Variants in RIN3 observed in about 807,000 individuals in gnomAD.
The protein encoded by RIN3 is RAB5 interacting protein 3.
Under a neutral mutation model 76.3 loss-of-function variants are expected in RIN3, and 54 were observed. That is an observed-to-expected ratio of 0.71 (90% CI 0.57 to 0.89). The LOEUF is 0.89. Ranked by LOEUF, RIN3 falls within the 40% of genes least tolerant of loss-of-function variation. The pLI, the probability that RIN3 is intolerant of heterozygous loss-of-function variation, is 0.00. For missense variants in RIN3, 1,256 were observed against 1,322.1 expected, an observed-to-expected ratio of 0.95 and a Z score of 0.78; for synonymous variants, 576 against 564.0, an observed-to-expected ratio of 1.02 and a Z score of -0.30.
At chr14:92,533,389 A>AT (rs1896925903) in intron 1 of RIN3, among the ~76,000 whole-genome samples, 1 of 152,272 alleles carries the variant, frequency 6.6e-6, no homozygotes, top group African/African-American at 2.4e-5. Flanking sequence ...AGAAGTCATT[A>AT]TACAAAAAAG....
intron 3 of RIN3, among the ~76,000 whole-genome samples, chr14:92,606,956 T>C (rs1001140521): frequency 6.6e-6 from 1 of 152,240 alleles, no homozygotes. Flanking sequence ...CACAGCAGCA[T>C]TACTTGTAGT....
At chr14:92,538,599 C>T (rs1379292984) in intron 1 of RIN3, among the ~76,000 whole-genome samples, 1 of 152,152 alleles carries the variant, frequency 6.6e-6, no homozygotes, top group African/African-American at 2.4e-5. Flanking sequence ...TGTTAAGCTT[C>T]ATTTGCATTT....
At chr14:92,547,038 TTATTTTATTATAATAAAATAAATTA>T (rs1897284372) in intron 1 of RIN3, among the ~76,000 whole-genome samples, 2 of 134,064 alleles carry the variant, frequency 1.5e-5, no homozygotes, top group East Asian at 3.9e-4. Context: ...TTATTTTATT[TTATTTTATTATAATAAAATAAATTA>T]TATTTTATTT....
rs148835994 is a variant in RIN3, at chr14:92,631,646, G to A, written c.441-9592G>A. Among the ~76,000 whole-genome samples the A allele has an allele frequency of 6.3e-3, 966 of 152,208 alleles. 7 individuals carry two copies. The highest frequency in any genetic ancestry group is 0.022 in the African/African-American group (904 of 41,520). ...GGTTGGAGTCTCACTCTGTCACCAG[G>A]CTGGAGTGCAGTGGTGTGATCTGGG... On this transcript the variant is annotated intron_variant, in intron 4 of 9. Coordinates refer to ENST00000216487, the MANE Select transcript of RIN3 (RefSeq NM_024832.5).
chr14:92,684,151 G>A (rs1347242373), intron 8 of RIN3, among the ~76,000 whole-genome samples: 3 of 151,922 alleles, frequency 2.0e-5, no homozygotes, highest in African/African-American at 4.8e-5. Context: ...AGGCTGAGGC[G>A]GGCGGATCAC....
chr14:92,544,993 A>G (rs559072019), intron 1 of RIN3, among the ~76,000 whole-genome samples: 1 of 150,220 alleles, frequency 6.7e-6, no homozygotes, highest in East Asian at 2.0e-4. Flanking sequence ...GTGTTTTTTT[A>G]TACTTTACAT....
At chr14:92,628,328 G>A (rs1337881646) in intron 4 of RIN3, among the ~76,000 whole-genome samples, 1 of 152,192 alleles carries the variant, frequency 6.6e-6, no homozygotes, top group Non-Finnish European at 1.5e-5. Flanking sequence ...GGGTCAAGCA[G>A]CATTGCAACT....
At chr14:92,592,956 G>A (rs1250159781) in intron 3 of RIN3, among the ~76,000 whole-genome samples, 1 of 151,944 alleles carries the variant, frequency 6.6e-6, no homozygotes, top group Admixed American at 6.6e-5. Flanking sequence ...TTACAGGCAT[G>A]AGCCACCATA....
In RIN3 at chr14:92,688,517, C is replaced by T. The variant is rs1413617931; in HGVS notation, c.*265C>T. 1.2e-5 allele frequency: 6 copies of T among 516,652 alleles called. No individual in the cohort carries two copies. Among genetic ancestry groups the T allele is most frequent in the Non-Finnish European group, 2.1e-5 (6 of 291,776 alleles). 32.0% of individuals were successfully genotyped at this position (516,652 alleles called of 1,614,324 possible). The stretch of plus-strand genomic sequence containing the variant: ...GAAACTGAGGCTCAGGAGAGAGGCG[C>T]TCCAGGCCGCTGCAGCCAACAAACC... On this transcript the variant is annotated 3_prime_UTR_variant, in exon 10 of 10. Coordinates refer to ENST00000216487, the MANE Select transcript of RIN3 (RefSeq NM_024832.5).
intron 7 of RIN3, among the ~76,000 whole-genome samples, chr14:92,671,408 G>GATGT (rs1441336125): frequency 6.6e-6 from 1 of 152,184 alleles, no homozygotes; most frequent in Non-Finnish European, 1.5e-5. Context: ...AGCCCAGTGG[G>GATGT]ATGTTATGTG....
At chr14:92,519,960 T>C (rs182536166) in intron 1 of RIN3, among the ~76,000 whole-genome samples, 1 of 152,182 alleles carries the variant, frequency 6.6e-6, no homozygotes, top group African/African-American at 2.4e-5. Context: ...CTCCTGCCAG[T>C]AGGGCCTCTG....
intron 1 of RIN3, among the ~76,000 whole-genome samples, chr14:92,525,743 G>C (rs1445820649): frequency 6.6e-6 from 1 of 152,212 alleles, no homozygotes; most frequent in Non-Finnish European, 1.5e-5. Context: ...GGCAGCGTCA[G>C]GCCCTGGAGC....
At chr14:92,556,019 C>T in intron 2 of RIN3, 64 bp downstream of exon 2, 1 of 1,374,232 alleles carries the variant, frequency 7.3e-7, no homozygotes, top group Non-Finnish European at 1.0e-6. Context: ...GCGTGCTCCA[C>T]ACCTGCCCTG....
chr14:92,676,797 G>T (rs1888480461), intron 8 of RIN3, among the ~76,000 whole-genome samples, 191 bp downstream of exon 8: 1 of 152,200 alleles, frequency 6.6e-6, no homozygotes, highest in African/African-American at 2.4e-5. Flanking sequence ...GGAGAGATGA[G>T]CCAGTCAAGA....
chr14:92,580,239 T>C (rs754631667), intron 3 of RIN3, among the ~76,000 whole-genome samples: 2 of 152,190 alleles, frequency 1.3e-5, no homozygotes, highest in Non-Finnish European at 2.9e-5. Flanking sequence ...TGTGGTGGCA[T>C]GCACCTGTAG....
chr14:92,569,008 T>A (rs1466424641), intron 2 of RIN3, among the ~76,000 whole-genome samples: 26 of 152,142 alleles, frequency 1.7e-4, no homozygotes, highest in Non-Finnish European at 3.8e-4. Context: ...GAGGACTGAG[T>A]GATACCAGTC....
chr14:92,570,618 C>T (rs1027887764), intron 2 of RIN3, among the ~76,000 whole-genome samples: 2 of 150,328 alleles, frequency 1.3e-5, no homozygotes, highest in African/African-American at 2.5e-5. Flanking sequence ...GCTGAGATCA[C>T]GCCATTGCAC....
At chr14:92,585,856 A>C (rs962821525) in intron 3 of RIN3, among the ~76,000 whole-genome samples, 1 of 152,138 alleles carries the variant, frequency 6.6e-6, no homozygotes, top group Non-Finnish European at 1.5e-5. Context: ...GTAAGGAGTG[A>C]TTATTATTAA....
chr14:92,545,962 G>C (rs975123101), intron 1 of RIN3, among the ~76,000 whole-genome samples: 2 of 149,840 alleles, frequency 1.3e-5, no homozygotes, highest in African/African-American at 2.5e-5. Flanking sequence ...GTCTTGCTTT[G>C]TCCCCCAGGC....
Sources: allele counts gnomAD v4.1 joint callset (sites outside exome capture counted in the v4.1 genomes callset), GRCh38; gene constraint gnomAD v4.1.1; transcripts MANE v1.5; gene names NCBI Gene and HGNC (gene_info 2026-07-23, HGNC 2026-07-21).